PLCXD3: variants seen among roughly 807,000 people sequenced by gnomAD.
PLCXD3 encodes phosphatidylinositol specific phospholipase C X domain containing 3.
In PLCXD3, 19 loss-of-function variants were observed where a neutral mutation model predicts 25.5. That is an observed-to-expected ratio of 0.75 (90% CI 0.52 to 1.09). PLCXD3 has a LOEUF of 1.09. Among genes scored for constraint, PLCXD3 ranks in the 50% least tolerant of loss-of-function variants. The pLI is 0.00. For synonymous variants in PLCXD3, 174 were observed against 137.6 expected, an observed-to-expected ratio of 1.26 and a Z score of -1.85; for missense variants, 411 against 388.1, an observed-to-expected ratio of 1.06 and a Z score of -0.50.
chr5:41,315,888 C>T (rs1743275084), intron 2 of PLCXD3, among the ~76,000 whole-genome samples: 1 of 152,192 alleles, frequency 6.6e-6, no homozygotes, highest in South Asian at 2.1e-4. Context: ...ATCACAGATC[C>T]CAGCAGTCAG....
chr5:41,333,155 G>C (rs114890851), intron 2 of PLCXD3, among the ~76,000 whole-genome samples: 2 of 150,348 alleles, frequency 1.3e-5, no homozygotes, highest in Non-Finnish European at 2.9e-5. Flanking sequence ...AAACAAAAAC[G>C]TCAATGGCTT....
At chr5:41,316,314 C>T (rs1262336940) in intron 2 of PLCXD3, among the ~76,000 whole-genome samples, 2 of 152,162 alleles carry the variant, frequency 1.3e-5, no homozygotes, top group Non-Finnish European at 2.9e-5. Flanking sequence ...GCATTCATCA[C>T]CTGCTAACTG....
At chr5:41,363,633 C>T (rs1744851490) in intron 2 of PLCXD3, among the ~76,000 whole-genome samples, 2 of 152,150 alleles carry the variant, frequency 1.3e-5, no homozygotes, top group Non-Finnish European at 2.9e-5. Flanking sequence ...AAAGAAAAAT[C>T]CATCTCATTA....
chr5:41,497,366 AGAATG>A (rs1314868755), intron 1 of PLCXD3, among the ~76,000 whole-genome samples: 5 of 151,936 alleles, frequency 3.3e-5, no homozygotes, highest in Non-Finnish European at 5.9e-5. Flanking sequence ...TAACCAAAAG[AGAATG>A]GAATGGCCAT....
intron 1 of PLCXD3, among the ~76,000 whole-genome samples, chr5:41,473,747 C>T (rs1232128446): frequency 6.6e-6 from 1 of 152,194 alleles, no homozygotes; most frequent in Non-Finnish European, 1.5e-5. Context: ...TGAGCCACCA[C>T]ACCCAGCCGC....
rs1743210693 is a variant in PLCXD3, at chr5:41,313,748, A to G, written c.835T>C (p.Trp279Arg). 6.2e-7 allele frequency: 1 copy of G among 1,605,898 alleles called. No individual in the cohort carries two copies. Among genetic ancestry groups the G allele is most frequent in the Non-Finnish European group, 8.5e-7 (1 of 1,176,134 alleles). ...TERALPAMMQ[W>R]VRTQKPGESG... Reference sequence around the variant, plus strand: ...TCTCCTGGCTTCTGCGTGCGGACCCACTGCATCATGGCAGGAAGAGCTCTG... The same window carrying G: ...TCTCCTGGCTTCTGCGTGCGGACCCGCTGCATCATGGCAGGAAGAGCTCTG... Residue 279 changes from tryptophan to arginine, a missense_variant, in exon 3 of 3, where the codon TGG becomes CGG. By Grantham distance (101) the Trp-to-Arg change is moderately radical (BLOSUM62 -3). Coordinates refer to ENST00000377801, the MANE Select transcript of PLCXD3 (RefSeq NM_001005473.3).
In PLCXD3 at chr5:41,402,552, G is replaced by A. The variant is rs569345538; in HGVS notation, c.104-20018C>T. ...TTTTATTCTACTGTTATTGCACAAA[G>A]TACTATGTAAATGTTAATTAGGTTA... On this transcript the variant is annotated intron_variant, in intron 1 of 2. Coordinates refer to ENST00000377801, the MANE Select transcript of PLCXD3 (RefSeq NM_001005473.3). Among the ~76,000 whole-genome samples, 3 of 151,814 alleles carry A rather than the reference G, an allele frequency of 2.0e-5. No individual in the cohort carries two copies. In the South Asian group the frequency reaches 6.2e-4, roughly 32 times the overall value.
At chr5:41,467,059 T>G (rs1266623077) in intron 1 of PLCXD3, among the ~76,000 whole-genome samples, 1 of 152,186 alleles carries the variant, frequency 6.6e-6, no homozygotes, top group Non-Finnish European at 1.5e-5. Flanking sequence ...TTCAGTTTCT[T>G]TGAATACACA....
chr5:41,376,479 C>T (rs2150490750), intron 2 of PLCXD3, among the ~76,000 whole-genome samples: 1 of 152,018 alleles, frequency 6.6e-6, no homozygotes, highest in South Asian at 2.1e-4. Context: ...CCATAATTTC[C>T]CCCTTCACTT....
chr5:41,421,101 A>C (rs886417743), intron 1 of PLCXD3, among the ~76,000 whole-genome samples: 1 of 152,224 alleles, frequency 6.6e-6, no homozygotes, highest in Non-Finnish European at 1.5e-5. Context: ...TTCTGGTAAC[A>C]TAAAAATGGA....
intron 2 of PLCXD3, among the ~76,000 whole-genome samples, chr5:41,339,734 A>C (rs184579499): frequency 3.3e-5 from 5 of 152,306 alleles, no homozygotes; most frequent in Admixed American, 2.6e-4. Flanking sequence ...AAGCATTTGA[A>C]AATGTCATCC....
In PLCXD3 at chr5:41,380,669, TTCA is replaced by T. The variant is rs1378461991; in HGVS notation, c.812+1154_812+1156del. 4.6e-5 allele frequency among the ~76,000 whole-genome samples: 7 copies of T among 152,292 alleles called. No homozygotes were observed. The East Asian group carries it at 1.4e-3, about 29-fold the overall frequency. Reference sequence around the variant, plus strand: ...TATTTTCACTGCCTAATCTTTTCTCTTCATCTTTTGTCTTTTTCCACAAAGACC... The same window carrying T: ...TATTTTCACTGCCTAATCTTTTCTCTTCTTTTGTCTTTTTCCACAAAGACC... On this transcript the variant is annotated intron_variant, in intron 2 of 2. Coordinates refer to ENST00000377801, the MANE Select transcript of PLCXD3 (RefSeq NM_001005473.3).
At chr5:41,372,976 G>A (rs1001636369) in intron 2 of PLCXD3, among the ~76,000 whole-genome samples, 1 of 152,046 alleles carries the variant, frequency 6.6e-6, no homozygotes. Flanking sequence ...CCTGGGAGGC[G>A]GAGGTTGCAG....
At chr5:41,495,403 C>T (rs923976837) in intron 1 of PLCXD3, among the ~76,000 whole-genome samples, 1 of 152,222 alleles carries the variant, frequency 6.6e-6, no homozygotes, top group Non-Finnish European at 1.5e-5. Flanking sequence ...CACAGTTCAG[C>T]AGCCTCTCCC....
At chr5:41,463,508 G>A (rs1335423584) in intron 1 of PLCXD3, among the ~76,000 whole-genome samples, 2 of 151,870 alleles carry the variant, frequency 1.3e-5, no homozygotes, top group African/African-American at 4.8e-5. Flanking sequence ...TATAAATTTT[G>A]GGGGGACACA....
chr5:41,336,026 G>T (rs535268964), intron 2 of PLCXD3, among the ~76,000 whole-genome samples: 148 of 152,180 alleles, frequency 9.7e-4, no homozygotes, highest in African/African-American at 3.2e-3. Context: ...AGTATTTATC[G>T]ACTTTTAATG....
chr5:41,380,595 T>C (rs894350146), intron 2 of PLCXD3, among the ~76,000 whole-genome samples: 1 of 152,150 alleles, frequency 6.6e-6, no homozygotes, highest in African/African-American at 2.4e-5. Context: ...CCAAGCTTTA[T>C]CTCCTTTCAT....
Position 41,306,975 on chromosome 5 carries a change from G to A in PLCXD3, c.*6642C>T, listed in dbSNP as rs1743022202. The A allele has an allele frequency of 6.6e-6, 1 of 152,446 alleles. No individual in the cohort carries two copies. Among genetic ancestry groups the A allele is most frequent in the Admixed American group, 6.6e-5 (1 of 15,244 alleles). 9.4% of individuals were successfully genotyped at this position (152,446 alleles called of 1,614,324 possible). A position where few individuals can be genotyped will look rare whatever the true frequency, so the allele number is the denominator to read the frequency against. On this transcript the variant is annotated 3_prime_UTR_variant, in exon 3 of 3. Coordinates refer to ENST00000377801, the MANE Select transcript of PLCXD3 (RefSeq NM_001005473.3). ...GATAATTGGTACCAGGACTTTATTA[G>A]GCATTTCACTGAATACAAATAAACT...
chr5:41,345,359 A>G (rs1036729403), intron 2 of PLCXD3, among the ~76,000 whole-genome samples: 2 of 152,154 alleles, frequency 1.3e-5, no homozygotes, highest in African/African-American at 4.8e-5. Context: ...GTTTTCACTC[A>G]GTGGCAAAGA....
Sources: gnomAD v4.1 joint callset for allele counts (sites outside exome capture counted in the v4.1 genomes callset) on GRCh38, gnomAD v4.1.1 for gene constraint, MANE v1.5 for transcripts, NCBI Gene and HGNC (gene_info 2026-07-23, HGNC 2026-07-21) for gene names.